ZNF609: variants seen among roughly 807,000 people sequenced by gnomAD.
ZNF609 encodes the protein zinc finger protein 609.
Under a neutral mutation model 109.5 loss-of-function variants are expected in ZNF609, and 11 were observed. The observed-to-expected ratio is 0.10, with a 90% CI of 0.06 to 0.17. The LOEUF (loss-of-function observed/expected upper bound fraction) is 0.17, where lower values mean the gene tolerates loss of function less well. Ranked by LOEUF, ZNF609 falls within the 10% of genes least tolerant of loss-of-function variation. The pLI, the probability that ZNF609 is intolerant of heterozygous loss-of-function variation, is 1.00. For missense variants in ZNF609, 1,559 were observed against 1,772.4 expected, an observed-to-expected ratio of 0.88 and a Z score of 2.16; for synonymous variants, 646 against 662.0, an observed-to-expected ratio of 0.98 and a Z score of 0.37.
intron 2 of ZNF609, among the ~76,000 whole-genome samples, chr15:64,554,991 G>A (rs890820315): frequency 6.6e-6 from 1 of 151,806 alleles, no homozygotes; most frequent in African/African-American, 2.4e-5. Context: ...AGCTACTTGG[G>A]AGGCTGAGGC....
intron 2 of ZNF609, among the ~76,000 whole-genome samples, chr15:64,507,983 A>G (rs941987729): frequency 2.6e-5 from 4 of 152,168 alleles, no homozygotes; most frequent in South Asian, 2.1e-4. Flanking sequence ...AACAAATCCT[A>G]TTCCCTAAAG....
chr15:64,622,888 A>T lies in ZNF609; in HGVS notation c.809A>T (p.Asn270Ile), dbSNP rs753507083. 32 of 1,614,220 alleles carry T rather than the reference A, an allele frequency of 2.0e-5. No individual in the cohort carries two copies. The highest frequency in any genetic ancestry group is 2.6e-5 in the Non-Finnish European group (31 of 1,180,000). ...ATACACCTTTTGGTGCCAGTGGTCA[A>T]CAATGACATCTCATCTCCCTGTGAG... ...LPIHLLVPVV[N>I]NDISSPCEQI... Residue 270 changes from asparagine to isoleucine, a missense_variant, in exon 3 of 10, where the codon AAC (asparagine) becomes ATC (isoleucine). Physicochemically the swap from Asn to Ile is moderately radical, Grantham distance 149 (BLOSUM62 -3). Coordinates refer to ENST00000326648, the MANE Select transcript of ZNF609 (RefSeq NM_015042.2).
At chr15:64,591,502 A>T (rs541569203) in intron 2 of ZNF609, among the ~76,000 whole-genome samples, 17 of 152,186 alleles carry the variant, frequency 1.1e-4, no homozygotes, top group Middle Eastern at 3.4e-3. Flanking sequence ...AAAATGTTTT[A>T]AAAAAAGCCT....
Position 64,674,185 on chromosome 15 carries a change from C to T in ZNF609, c.1331C>T (p.Pro444Leu). The change falls in exon 5 of 10, where the codon CCC (proline) becomes CTC (leucine). Residue 444 changes from proline to leucine, a missense_variant. Coordinates refer to ENST00000326648, the MANE Select transcript of ZNF609 (RefSeq NM_015042.2). ...TCAGCTAATAAGCGGAAAAACAAACCCCTTTCAGACATGGAGCTGAATTCT... is the reference window on the plus strand; with the variant it reads ...TCAGCTAATAAGCGGAAAAACAAACTCCTTTCAGACATGGAGCTGAATTCT... The part of the protein sequence containing the change: ...PSSANKRKNK[P>L]LSDMELNSSS... 6.2e-7 allele frequency: 1 copy of T among 1,614,136 alleles called. No homozygotes were observed. Among genetic ancestry groups the T allele is most frequent in the Middle Eastern group, 1.6e-4 (1 of 6,062 alleles).
intron 2 of ZNF609, among the ~76,000 whole-genome samples, chr15:64,550,660 A>G (rs1894452010): frequency 6.6e-6 from 1 of 152,044 alleles, no homozygotes; most frequent in South Asian, 2.1e-4. Flanking sequence ...ACATGACGAA[A>G]CCCTGTCTCT....
At chr15:64,566,596 C>G (rs1894781524) in intron 2 of ZNF609, among the ~76,000 whole-genome samples, 1 of 152,130 alleles carries the variant, frequency 6.6e-6, no homozygotes, top group South Asian at 2.1e-4. Flanking sequence ...TAGCTAAACA[C>G]TAGTTAGGAT....
At chr15:64,615,986 A>G (rs1895792794) in intron 2 of ZNF609, among the ~76,000 whole-genome samples, 1 of 152,210 alleles carries the variant, frequency 6.6e-6, no homozygotes, top group South Asian at 2.1e-4. Flanking sequence ...GTGAAGGGGA[A>G]AAGGCAAGGT....
intron 2 of ZNF609, among the ~76,000 whole-genome samples, chr15:64,514,379 A>G (rs1046804738): frequency 2.6e-5 from 4 of 152,206 alleles, no homozygotes; most frequent in African/African-American, 9.7e-5. Flanking sequence ...TTATTGTAAT[A>G]TTTACATTTC....
intron 4 of ZNF609, among the ~76,000 whole-genome samples, chr15:64,672,569 G>A (rs1306667313): frequency 2.1e-5 from 3 of 146,044 alleles, no homozygotes; most frequent in Non-Finnish European, 4.5e-5. Flanking sequence ...AGGTTGCAGT[G>A]AGCTGAGATC....
At chr15:64,496,182 G>A (rs1043522913) in intron 1 of ZNF609, among the ~76,000 whole-genome samples, 1 of 152,108 alleles carries the variant, frequency 6.6e-6, no homozygotes, top group Non-Finnish European at 1.5e-5. Context: ...CCTGCAGCAG[G>A]GCAGGCAGTA....
Position 64,680,829 on chromosome 15 carries a change from C to T in ZNF609, c.4129C>T (p.Leu1377Phe). 2 of 1,612,558 alleles carry T rather than the reference C, an allele frequency of 1.2e-6. No homozygotes were observed. The highest frequency in any genetic ancestry group is 1.7e-6 in the Non-Finnish European group (2 of 1,180,008). The change falls in exon 8 of 10, where the codon CTC (leucine) becomes TTC (phenylalanine). Residue 1377 changes from leucine (L) to phenylalanine (F), a missense_variant. This residue lies in a region of ZNF609 where 1,204 missense variants were observed against 1,314.1 expected (regional missense o/e 0.92). Transcript: ENST00000326648. ...CCACCACCACTTGGGGTACTCATTG[C>T]TCCCAGCACAGTACAACTTACCCTA... ...HHHHHLGYSL[L>F]PAQYNLPYAA...
intron 2 of ZNF609, among the ~76,000 whole-genome samples, chr15:64,599,168 G>GTT (rs556122154): frequency 0.015 from 693 of 46,436 alleles, 29 homozygotes; most frequent in Middle Eastern, 0.025. Flanking sequence ...TTTTGTGGTG[G>GTT]TTTTTTTTTT....
intron 1 of ZNF609, among the ~76,000 whole-genome samples, chr15:64,461,900 G>C (rs758629424): frequency 1.3e-5 from 2 of 152,148 alleles, no homozygotes; most frequent in Non-Finnish European, 2.9e-5. Context: ...CTTTGTCTTG[G>C]GGGAGGGAGT....
intron 3 of ZNF609, chr15:64,643,655 T>A (rs1192180398): frequency 1.3e-5 from 2 of 152,106 alleles, no homozygotes; most frequent in East Asian, 3.9e-4. Flanking sequence ...TAGGACCAAA[T>A]TGAACAACAA....
chr15:64,502,723 G>A (rs1044271205), intron 2 of ZNF609: 1 of 152,236 alleles, frequency 6.6e-6, no homozygotes, highest in Non-Finnish European at 1.5e-5. Flanking sequence ...ACTGAATTCT[G>A]TGGTGCAGAG....
chr15:64,479,899 A>G (rs1893228097), intron 1 of ZNF609, among the ~76,000 whole-genome samples: 1 of 151,892 alleles, frequency 6.6e-6, no homozygotes, highest in African/African-American at 2.4e-5. Context: ...AGCCTGGGCG[A>G]CAGACTGAGA....
At chr15:64,637,885 T>A (rs577078608) in intron 3 of ZNF609, among the ~76,000 whole-genome samples, 8 of 150,988 alleles carry the variant, frequency 5.3e-5, no homozygotes, top group Admixed American at 1.3e-4. Flanking sequence ...TTATCTTTTT[T>A]AAATTTTTTG....
chr15:64,599,353 C>A (rs538080035), intron 2 of ZNF609, among the ~76,000 whole-genome samples: 6 of 152,190 alleles, frequency 3.9e-5, no homozygotes, highest in African/African-American at 1.4e-4. Context: ...GCTCCAAAGA[C>A]TGAGATGTTT....
intron 1 of ZNF609, among the ~76,000 whole-genome samples, chr15:64,478,399 C>G (rs1893202620): frequency 6.6e-6 from 1 of 151,900 alleles, no homozygotes; most frequent in Non-Finnish European, 1.5e-5. Context: ...GAGACGGAGT[C>G]TCACTCTGTT....
Sources: allele counts gnomAD v4.1 joint callset (sites outside exome capture counted in the v4.1 genomes callset), GRCh38; gene constraint gnomAD v4.1.1; regional missense constraint gnomAD v4.1.1; transcripts MANE v1.5; gene names NCBI Gene and HGNC (gene_info 2026-07-23, HGNC 2026-07-21).